Variants in GRID2 observed in about 807,000 individuals in gnomAD.
GRID2 encodes the protein glutamate ionotropic receptor delta type subunit 2.
A neutral mutation model predicts 114.8 loss-of-function variants in GRID2; 33 were observed. That is an observed-to-expected ratio of 0.29 (90% CI 0.22 to 0.38). GRID2 has a LOEUF of 0.38. Among genes scored for constraint, GRID2 ranks in the 10% least tolerant of loss-of-function variants. The probability of loss-of-function intolerance (pLI) is 1.00; values close to 1 mark genes in which losing one functional copy is unlikely to be tolerated. For missense variants in GRID2, 1,184 were observed against 1,257.7 expected, an observed-to-expected ratio of 0.94 and a Z score of 0.89; for synonymous variants, 505 against 449.9, an observed-to-expected ratio of 1.12 and a Z score of -1.55.
At chr4:93,726,636 T>A (rs1729927010) in intron 14 of GRID2, among the ~76,000 whole-genome samples, 1 of 152,200 alleles carries the variant, frequency 6.6e-6, no homozygotes, top group Non-Finnish European at 1.5e-5. Context: ...GTTCTTCCAT[T>A]TGTTTGTATC....
intron 8 of GRID2, among the ~76,000 whole-genome samples, chr4:93,294,383 T>C (rs1377816417): frequency 6.6e-6 from 1 of 152,164 alleles, no homozygotes; most frequent in Non-Finnish European, 1.5e-5. Context: ...TGTAATTTTA[T>C]TTATGTTTTA....
chr4:92,988,277 G>A (rs1424520891), intron 2 of GRID2, among the ~76,000 whole-genome samples: 20 of 152,124 alleles, frequency 1.3e-4, no homozygotes. Context: ...CAAACAGGTG[G>A]TAGGCAGGGT....
At chr4:93,766,519 G>A (rs1668803957) in intron 14 of GRID2, among the ~76,000 whole-genome samples, 1 of 152,188 alleles carries the variant, frequency 6.6e-6, no homozygotes, top group African/African-American at 2.4e-5. Flanking sequence ...TTTGTGTGGG[G>A]ACACGGAGCC....
intron 14 of GRID2, among the ~76,000 whole-genome samples, chr4:93,677,927 T>C (rs4693333): frequency 0.58 from 87,223 of 150,626 alleles, 27,182 homozygotes; most frequent in African/African-American, 0.82. Flanking sequence ...CAAAGCTGGA[T>C]GGAGAATGAC....
At chr4:93,505,381 T>C (rs1728528926) in intron 12 of GRID2, among the ~76,000 whole-genome samples, 1 of 151,962 alleles carries the variant, frequency 6.6e-6, no homozygotes, top group Non-Finnish European at 1.5e-5. Flanking sequence ...CATCCTATAA[T>C]CAGCAGTAAC....
intron 2 of GRID2, among the ~76,000 whole-genome samples, chr4:92,983,040 A>G (rs908358789): frequency 6.6e-6 from 1 of 152,112 alleles, no homozygotes; most frequent in African/African-American, 2.4e-5. Context: ...TCTACCGTCA[A>G]TCAGAGATAG....
intron 14 of GRID2, among the ~76,000 whole-genome samples, chr4:93,678,549 G>A (rs1011781605): frequency 3.3e-5 from 5 of 152,184 alleles, no homozygotes; most frequent in African/African-American, 7.2e-5. Context: ...TACCCACAAA[G>A]GGAAGCCCAT....
At chr4:93,483,891 T>TCAGC (rs1261536346) in intron 11 of GRID2, among the ~76,000 whole-genome samples, 2 of 151,860 alleles carry the variant, frequency 1.3e-5, no homozygotes, top group Non-Finnish European at 2.9e-5. Context: ...TCATGAAGTA[T>TCAGC]CAGCCTAATT....
At chr4:92,982,048 AAAAG>A (rs1427152847) in intron 2 of GRID2, among the ~76,000 whole-genome samples, 21 of 149,314 alleles carry the variant, frequency 1.4e-4, no homozygotes, top group African/African-American at 4.5e-4. Flanking sequence ...AAAAAAAAGA[AAAAG>A]AAAAAAGAAA....
At chr4:92,490,741 G>C (rs1042078945) in intron 1 of GRID2, among the ~76,000 whole-genome samples, 2 of 152,038 alleles carry the variant, frequency 1.3e-5, no homozygotes, top group African/African-American at 4.8e-5. Flanking sequence ...TTTCATAAGA[G>C]GCCGTCCTCT....
chr4:92,760,471 T>C (rs936433290), intron 2 of GRID2, among the ~76,000 whole-genome samples: 1 of 152,070 alleles, frequency 6.6e-6, no homozygotes, highest in African/African-American at 2.4e-5. Flanking sequence ...CATGGGAGTA[T>C]GAAGGCACAA....
At chr4:93,730,443 T>C (rs1242954050) in intron 14 of GRID2, among the ~76,000 whole-genome samples, 1 of 152,214 alleles carries the variant, frequency 6.6e-6, no homozygotes, top group Non-Finnish European at 1.5e-5. Context: ...CTGCCAGGTC[T>C]CAGAGCAGCT....
intron 2 of GRID2, among the ~76,000 whole-genome samples, chr4:93,031,147 G>C (rs547036372): frequency 6.7e-6 from 1 of 150,188 alleles, no homozygotes; most frequent in South Asian, 2.1e-4. Flanking sequence ...CCAGGTTCTA[G>C]TGATCCTCCT....
chr4:92,863,147 T>C (rs1744644981), intron 2 of GRID2, among the ~76,000 whole-genome samples: 1 of 152,148 alleles, frequency 6.6e-6, no homozygotes, highest in East Asian at 1.9e-4. Context: ...AAAGACTGAA[T>C]TTTCATTTAT....
intron 1 of GRID2, among the ~76,000 whole-genome samples, chr4:92,411,651 G>GTATATATATATATATATATATATATA (rs1365702947): frequency 6.2e-5 from 6 of 96,318 alleles, no homozygotes; most frequent in African/African-American, 2.6e-4. Context: ...GTGTGTGTGT[G>GTATATATATATATATATATATATATA]TGTGTATATA....
chr4:93,168,003 G>A (rs934244842), intron 4 of GRID2, among the ~76,000 whole-genome samples: 4 of 151,966 alleles, frequency 2.6e-5, no homozygotes, highest in African/African-American at 9.7e-5. Context: ...AGACCAGCCT[G>A]ACCAACATGG....
intron 2 of GRID2, among the ~76,000 whole-genome samples, chr4:92,633,566 C>A (rs571426452): frequency 2.0e-5 from 3 of 152,194 alleles, no homozygotes; most frequent in African/African-American, 7.2e-5. Flanking sequence ...CTGTTTTCCA[C>A]TATTCTTGAG....
intron 4 of GRID2, among the ~76,000 whole-genome samples, chr4:93,183,021 A>G (rs2149437647): frequency 6.6e-6 from 1 of 152,344 alleles, no homozygotes; most frequent in South Asian, 2.1e-4. Context: ...GCCTTAGGAT[A>G]ATATCTGGCA....
At chr4:92,888,681 CTTTA>C (rs1560671666) in intron 2 of GRID2, among the ~76,000 whole-genome samples, 1 of 151,756 alleles carries the variant, frequency 6.6e-6, no homozygotes. Flanking sequence ...TTAGAAATAA[CTTTA>C]TTAATATTCC....
Sources: gnomAD v4.1 joint callset for allele counts (sites outside exome capture counted in the v4.1 genomes callset) on GRCh38, gnomAD v4.1.1 for gene constraint, MANE v1.5 for transcripts, NCBI Gene and HGNC (gene_info 2026-07-23, HGNC 2026-07-21) for gene names.